Variants in TRANK1 observed in about 807,000 individuals in gnomAD.
The protein encoded by TRANK1 is TPR and ankyrin repeat-containing protein 1.
Under a neutral mutation model 266.0 loss-of-function variants are expected in TRANK1, and 198 were observed. The ratio of observed to expected loss-of-function variants is 0.74; its 90% CI spans 0.66 to 0.84. The LOEUF is 0.84. TRANK1 is among the 40% of genes least tolerant of loss of function. The pLI is 0.00. For missense variants in TRANK1, 3,326 were observed against 3,634.6 expected, an observed-to-expected ratio of 0.92 and a Z score of 2.18; for synonymous variants, 1,396 against 1,384.1, an observed-to-expected ratio of 1.01 and a Z score of -0.19.
chr3:36,847,197 C>G lies in TRANK1; in HGVS notation c.5034+3G>C. ...CATGTGTTGACAAATGGCAGAAATT[C>G]ACCTTGTACATTTCTGGATTCACCA... is the stretch of plus-strand genomic sequence containing the variant. On this transcript the variant is annotated splice_donor_region_variant and intron_variant, in intron 16 of 23. Transcript: ENST00000645898. 1.9e-6 allele frequency: 3 copies of G among 1,611,208 alleles called. No individual in the cohort carries two copies. The highest frequency in any genetic ancestry group is 2.5e-6 in the Non-Finnish European group (3 of 1,178,224).
intron 1 of TRANK1, among the ~76,000 whole-genome samples, chr3:36,938,982 C>T (rs973168827): frequency 4.7e-5 from 7 of 150,204 alleles, no homozygotes; most frequent in Non-Finnish European, 8.9e-5. Context: ...TACAAAAATA[C>T]AAAAATTAGT....
intron 1 of TRANK1, among the ~76,000 whole-genome samples, chr3:36,941,866 A>AT (rs2080501034): frequency 6.6e-6 from 1 of 152,184 alleles, no homozygotes. Context: ...TTTTAAAAGC[A>AT]ATGAGCCTGC....
At chr3:36,876,848 A>T (rs1320661888) in intron 8 of TRANK1, among the ~76,000 whole-genome samples, 1 of 152,188 alleles carries the variant, frequency 6.6e-6, no homozygotes, top group Non-Finnish European at 1.5e-5. Flanking sequence ...GCTTCTAACC[A>T]AGACAGATGT....
intron 16 of TRANK1, among the ~76,000 whole-genome samples, chr3:36,846,806 G>A (rs2078920821): frequency 6.6e-6 from 1 of 152,152 alleles, no homozygotes; most frequent in Non-Finnish European, 1.5e-5. Flanking sequence ...TTATCCCAAA[G>A]ATTACATCTT....
At chr3:36,914,239 T>C (rs1559470876) in intron 1 of TRANK1, among the ~76,000 whole-genome samples, 1 of 151,950 alleles carries the variant, frequency 6.6e-6, no homozygotes. Context: ...GTTCAAGCTA[T>C]TCTCCTGCCT....
intron 1 of TRANK1, among the ~76,000 whole-genome samples, chr3:36,910,924 G>C (rs994106565): frequency 1.3e-4 from 20 of 151,754 alleles, no homozygotes; most frequent in African/African-American, 3.9e-4. Flanking sequence ...GCAGAAATTA[G>C]CCAGGCATAG....
At chr3:36,936,904 C>T (rs192971768) in intron 1 of TRANK1, among the ~76,000 whole-genome samples, 25 of 152,258 alleles carry the variant, frequency 1.6e-4, no homozygotes, top group African/African-American at 5.8e-4. Flanking sequence ...AAGTTCGAGA[C>T]TGGCCTGGCC....
Position 36,855,904 on chromosome 3 carries a change from G to A in TRANK1, c.3818C>T (p.Thr1273Ile), listed in dbSNP as rs773634724. The A allele has an allele frequency of 5.0e-6, 8 of 1,613,554 alleles. No homozygotes were observed. The highest frequency in any genetic ancestry group is 1.6e-4 in the Middle Eastern group (1 of 6,062). ...TTCCTGTGCAGACCATCCTATGATG[G>A]TTCTTTTCAAGCTTCCATCTTCGTT... ...LRNEDGSLKR[T>I]IIGWSAQEES... The change falls in exon 13 of 24, where the codon ACC becomes ATC. Residue 1273 changes from threonine (T) to isoleucine (I), a missense_variant. Transcript: ENST00000645898.
chr3:36,833,830 T>C lies in TRANK1; in HGVS notation c.5753A>G (p.Tyr1918Cys), dbSNP rs992685990. ...SQFYLEAAAK[Y>C]LSANKMKEMM... Reference sequence around the variant, plus strand: ...TTCCTTCATCTTATTTGCACTCAGATACTTTGCTGCAGCTTCCAAGTAAAA... The same window carrying C: ...TTCCTTCATCTTATTTGCACTCAGACACTTTGCTGCAGCTTCCAAGTAAAA... Residue 1918 changes from tyrosine to cysteine, a missense_variant, in exon 22 of 24, where the codon TAT becomes TGT. Tyr to Cys is a radical substitution (Grantham distance 194). Transcript: ENST00000645898. The C allele has an allele frequency of 6.2e-6, 10 of 1,614,052 alleles. No individual in the cohort carries two copies. The highest frequency in any genetic ancestry group is 1.3e-5 in the African/African-American group (1 of 75,066).
intron 9 of TRANK1, among the ~76,000 whole-genome samples, chr3:36,870,882 C>A (rs995894429): frequency 7.0e-6 from 1 of 142,260 alleles, no homozygotes; most frequent in Non-Finnish European, 1.5e-5. Flanking sequence ...AGAAGAGAAG[C>A]GAGAGCAAGA....
intron 9 of TRANK1, among the ~76,000 whole-genome samples, chr3:36,867,262 G>C (rs2079240928): frequency 6.6e-6 from 1 of 152,060 alleles, no homozygotes; most frequent in Non-Finnish European, 1.5e-5. Flanking sequence ...ATGGAAACTT[G>C]CTGCTTGTCT....
chr3:36,944,518 A>G (rs528473839), intron 1 of TRANK1, among the ~76,000 whole-genome samples: 5 of 152,228 alleles, frequency 3.3e-5, no homozygotes, highest in Admixed American at 3.3e-4. Flanking sequence ...GGTGGGAGCT[A>G]GGCAGGCCGC....
chr3:36,927,042 T>C (rs988597875), intron 1 of TRANK1, among the ~76,000 whole-genome samples: 4 of 152,232 alleles, frequency 2.6e-5, no homozygotes, highest in Non-Finnish European at 5.9e-5. Context: ...GCAGCAAGGG[T>C]ATCAGCCAGT....
intron 18 of TRANK1, among the ~76,000 whole-genome samples, chr3:36,841,509 CTCTT>C (rs1262322623): frequency 6.6e-6 from 1 of 152,214 alleles, no homozygotes; most frequent in Non-Finnish European, 1.5e-5. Flanking sequence ...AGTTCCTCCT[CTCTT>C]TCTTGCCTTT....
At chr3:36,907,869 C>A (rs2079995884) in intron 2 of TRANK1, among the ~76,000 whole-genome samples, 1 of 152,124 alleles carries the variant, frequency 6.6e-6, no homozygotes, top group Non-Finnish European at 1.5e-5. Context: ...CTTTAGGGTC[C>A]TCAGCAATGT....
chr3:36,866,792 G>A (rs753878424), intron 9 of TRANK1, among the ~76,000 whole-genome samples: 11 of 152,174 alleles, frequency 7.2e-5, no homozygotes, highest in Non-Finnish European at 1.2e-4. Context: ...ACCAATGTCA[G>A]GGGGTACTCA....
Position 36,887,363 on chromosome 3 carries a change from A to G in TRANK1, c.907+2466T>C, listed in dbSNP as rs2079622218. Among the ~76,000 whole-genome samples, 5 of 152,220 alleles carry G rather than the reference A, an allele frequency of 3.3e-5. No individual in the cohort carries two copies. In the South Asian group the frequency reaches 1.0e-3, roughly 32 times the overall value. ...TGACAAACAAAACCCATCACTTCCT[A>G]ATAATTTTTACTACATTTTGCTATT... is the stretch of plus-strand genomic sequence containing the variant. On this transcript the variant is annotated intron_variant, in intron 8 of 23. Coordinates refer to ENST00000645898, the MANE Select transcript of TRANK1 (RefSeq NM_001329998.2).
chr3:36,935,301 C>G (rs2080409796), intron 1 of TRANK1, among the ~76,000 whole-genome samples: 1 of 152,176 alleles, frequency 6.6e-6, no homozygotes, highest in African/African-American at 2.4e-5. Flanking sequence ...TTTTATACCA[C>G]TTAATCCCCT....
At chr3:36,842,785 G>C (rs2078865098) in intron 17 of TRANK1, 75 bp from the exon 18 acceptor site, 27 of 1,279,498 alleles carry the variant, frequency 2.1e-5, no homozygotes, top group Non-Finnish European at 2.7e-5. Flanking sequence ...GGGCTGAGTT[G>C]CATCTCCTCC....
Sources: allele counts gnomAD v4.1 joint callset (sites outside exome capture counted in the v4.1 genomes callset), GRCh38; gene constraint gnomAD v4.1.1; transcripts MANE v1.5; gene names NCBI Gene and HGNC (gene_info 2026-07-23, HGNC 2026-07-21).